The following MAEA variants were observed in gnomAD, a reference collection of about 807,000 sequenced individuals.
MAEA encodes the protein E3 ubiquitin-protein transferase MAEA.
Under a neutral mutation model 46.2 loss-of-function variants are expected in MAEA, and 22 were observed. The observed-to-expected ratio is 0.48, with a 90% CI of 0.34 to 0.68. The LOEUF is 0.68. Ranked by LOEUF, MAEA falls within the 30% of genes least tolerant of loss-of-function variation. MAEA has a pLI of 0.01. For synonymous variants in MAEA, 246 were observed against 222.6 expected (o/e 1.11, Z -0.94); for missense variants, 393 against 558.1 (o/e 0.70, Z 2.98).
Position 1,332,835 on chromosome 4 carries a change from C to T in MAEA, c.735C>T (p.Phe245=). 2 of 1,613,102 alleles carry T rather than the reference C, an allele frequency of 1.2e-6. No individual in the cohort carries two copies. Among genetic ancestry groups the T allele is most frequent in the Non-Finnish European group, 1.7e-6 (2 of 1,179,720 alleles). Reference sequence around the variant, plus strand: ...GCCAGGCCATGGGCATGCTGGCCTTCCCGCCCGACACGCACATCTCCCCGT... The same window carrying T: ...GCCAGGCCATGGGCATGCTGGCCTTTCCGCCCGACACGCACATCTCCCCGT... ...EVRQAMGMLA[F]PPDTHISPYK... Residue 245 remains phenylalanine (F), a synonymous_variant, in exon 6 of 9, where the codon TTC becomes TTT. Transcript: ENST00000303400.
In MAEA at chr4:1,297,454, C is replaced by CGTGTGTGT. The variant is rs368069067; in HGVS notation, c.69+7475_69+7476insTGTGTGTG. Among the ~76,000 whole-genome samples the CGTGTGTGT allele has an allele frequency of 5.9e-3, 882 of 150,604 alleles. 16 individuals are homozygous for CGTGTGTGT. The highest frequency in any genetic ancestry group is 0.018 in the African/African-American group (707 of 40,170). Reference sequence around the variant, plus strand: ...AGCTTTGGAGGAGCCTGAAAAAGTACGTGCGTATGTGTGTGTGTATACATA... The same window carrying CGTGTGTGT: ...AGCTTTGGAGGAGCCTGAAAAAGTACGTGTGTGTGTGCGTATGTGTGTGTGTATACATA... On this transcript the variant is annotated intron_variant, in intron 1 of 8. Coordinates refer to ENST00000303400, the MANE Select transcript of MAEA (RefSeq NM_001017405.3).
chr4:1,337,278 C>G (rs1328513864), intron 7 of MAEA: 4 of 453,984 alleles, frequency 8.8e-6, no homozygotes, highest in Non-Finnish European at 1.6e-5. Context: ...TTGATGTGTT[C>G]TGGCAGCCGG....
intron 1 of MAEA, chr4:1,309,523 G>A: frequency 2.2e-6 from 3 of 1,379,598 alleles, no homozygotes; most frequent in Non-Finnish European, 2.8e-6. Flanking sequence ...GGGAGAGGGG[G>A]TGCTGCGCTC....
chr4:1,333,257 C>G (rs1363994940), intron 6 of MAEA, among the ~76,000 whole-genome samples: 1 of 151,974 alleles, frequency 6.6e-6, no homozygotes. Flanking sequence ...GGGAGGATCA[C>G]TTGAGCCCAT....
chr4:1,298,210 T>G, intron 1 of MAEA: 1 of 393,108 alleles, frequency 2.5e-6, no homozygotes, highest in Non-Finnish European at 5.2e-6. Flanking sequence ...GTCGCCTGCC[T>G]GCTTGTGCTC....
chr4:1,305,839 C>T (rs1385940445), intron 1 of MAEA, among the ~76,000 whole-genome samples: 1 of 152,192 alleles, frequency 6.6e-6, no homozygotes, highest in Non-Finnish European at 1.5e-5. Flanking sequence ...GAGCCGGAGA[C>T]CCAGGAGAGC....
At chr4:1,339,019 TC>T (rs1370519558) in intron 8 of MAEA, 54 bp from the exon 9 acceptor site, 5 of 1,361,356 alleles carry the variant, frequency 3.7e-6, no homozygotes, top group Non-Finnish European at 5.3e-6. Context: ...TCCATGGAAA[TC>T]CGTGTGTACG....
intron 1 of MAEA, among the ~76,000 whole-genome samples, chr4:1,295,250 A>C (rs868754702): frequency 6.6e-6 from 1 of 152,128 alleles, no homozygotes; most frequent in Non-Finnish European, 1.5e-5. Flanking sequence ...CGCAAAGCAC[A>C]CTTCCTGCCG....
At chr4:1,329,022 G>A (rs1739200233) in intron 5 of MAEA, 11 of 985,932 alleles carry the variant, frequency 1.1e-5, no homozygotes, top group South Asian at 9.3e-5. Context: ...TGCCTGTGTC[G>A]CTGGCCTCTG....
Position 1,338,432 on chromosome 4 carries a change from A to G in MAEA, c.910A>G (p.Lys304Glu), listed in dbSNP as rs1278473610. ...TGACCCGATGCTCAGACAGTGCTAC[A>G]AGGAGGACGGCAGCTCCAAGAGCCC... Reference protein sequence around the residue: ...LSAIKTPQCYKEDGSSKSPDC... With the variant: ...LSAIKTPQCYEEDGSSKSPDC... Residue 304 changes from lysine to glutamate, a missense_variant, in exon 8 of 9, where the codon AAG (lysine) becomes GAG (glutamate). Lys to Glu is a moderately conservative substitution (Grantham distance 56). Coordinates refer to ENST00000303400, the MANE Select transcript of MAEA (RefSeq NM_001017405.3). The G allele has an allele frequency of 6.2e-7, 1 of 1,612,412 alleles. No homozygotes were observed. The highest frequency in any genetic ancestry group is 8.5e-7 in the Non-Finnish European group (1 of 1,179,572).
rs538206614 is a variant in MAEA, at chr4:1,310,611, G to A, written c.70-1368G>A. Among the ~76,000 whole-genome samples, 10 of 152,344 alleles carry A rather than the reference G, an allele frequency of 6.6e-5. No homozygotes were observed. In the South Asian group the frequency reaches 1.9e-3, roughly 28 times the overall value. ...TCACCAGCAAGGGTGAGTCCTGCTCGGTAGCAGACGGTGATGCTGGCTGCC... is the reference window on the plus strand; with the variant it reads ...TCACCAGCAAGGGTGAGTCCTGCTCAGTAGCAGACGGTGATGCTGGCTGCC... On this transcript the variant is annotated intron_variant, in intron 1 of 8. Transcript: ENST00000303400.
intron 6 of MAEA, among the ~76,000 whole-genome samples, chr4:1,334,496 C>A (rs1398369133): frequency 6.6e-6 from 1 of 152,218 alleles, no homozygotes; most frequent in Non-Finnish European, 1.5e-5. Flanking sequence ...TGAGTTGGCA[C>A]CTTGTTTCTC....
chr4:1,316,864 C>T (rs1396579931), intron 3 of MAEA, among the ~76,000 whole-genome samples: 1 of 152,006 alleles, frequency 6.6e-6, no homozygotes. Flanking sequence ...TGCAGCCTCC[C>T]CCACACTCCT....
chr4:1,296,645 C>CT (rs903914217), intron 1 of MAEA, among the ~76,000 whole-genome samples: 24 of 151,080 alleles, frequency 1.6e-4, no homozygotes, highest in Admixed American at 1.5e-3. Context: ...CCTTCCTTGC[C>CT]CCCGTCCTCC....
chr4:1,295,445 C>G (rs2108853024), intron 1 of MAEA, among the ~76,000 whole-genome samples: 1 of 152,088 alleles, frequency 6.6e-6, no homozygotes, highest in South Asian at 2.1e-4. Context: ...TGGACCCGGA[C>G]CGGGACCCTG....
intron 4 of MAEA, chr4:1,323,577 G>A (rs1459126374): frequency 2.8e-6 from 2 of 702,440 alleles, no homozygotes; most frequent in Admixed American, 2.0e-5. Context: ...TTGGACCTTG[G>A]TATGGAAACC....
intron 1 of MAEA, among the ~76,000 whole-genome samples, chr4:1,290,799 G>C (rs1734029251): frequency 6.6e-6 from 1 of 152,206 alleles, no homozygotes; most frequent in Admixed American, 6.5e-5. Flanking sequence ...CAGGTGTGGA[G>C]GATGCAGTAT....
intron 1 of MAEA, among the ~76,000 whole-genome samples, chr4:1,300,444 T>C (rs1735202504): frequency 6.6e-6 from 1 of 152,218 alleles, no homozygotes; most frequent in African/African-American, 2.4e-5. Context: ...AAATACTTTA[T>C]GGAAAGGTGA....
chr4:1,297,216 C>T (rs1296215939), intron 1 of MAEA, among the ~76,000 whole-genome samples: 2 of 152,230 alleles, frequency 1.3e-5, no homozygotes, highest in South Asian at 2.1e-4. Flanking sequence ...CAGTGACAGC[C>T]GAGAACTCGG....
Sources: allele counts gnomAD v4.1 joint callset (sites outside exome capture counted in the v4.1 genomes callset), GRCh38; gene constraint gnomAD v4.1.1; transcripts MANE v1.5; gene names NCBI Gene and HGNC (gene_info 2026-07-23, HGNC 2026-07-21).